The following LTBP1 variants were observed in gnomAD, a reference collection of about 807,000 sequenced individuals.
LTBP1 encodes latent transforming growth factor beta binding protein 1.
Under a neutral mutation model 207.6 loss-of-function variants are expected in LTBP1, and 129 were observed. That is an observed-to-expected ratio of 0.62 (90% CI 0.54 to 0.72). The LOEUF (loss-of-function observed/expected upper bound fraction) is 0.72, where lower values mean the gene tolerates loss of function less well. Ranked by LOEUF, LTBP1 falls within the 30% of genes least tolerant of loss-of-function variation. The pLI, the probability that LTBP1 is intolerant of heterozygous loss-of-function variation, is 0.00. For synonymous variants in LTBP1, 963 were observed against 833.7 expected (o/e 1.16, Z -2.67); for missense variants, 2,281 against 2,217.2 (o/e 1.03, Z -0.58).
In LTBP1 at chr2:33,274,957, G is replaced by T. The variant is rs372628884; in HGVS notation, c.2744-8G>T. ...AACTAATATTTTTATATGTATTTTTGTTAACAGATATTGATGAGTGTACTC... is the reference window on the plus strand; with the variant it reads ...AACTAATATTTTTATATGTATTTTTTTTAACAGATATTGATGAGTGTACTC... On this transcript the variant is annotated splice_region_variant and splice_polypyrimidine_tract_variant and intron_variant, in intron 16 of 33. Coordinates refer to ENST00000404816, the MANE Select transcript of LTBP1 (RefSeq NM_206943.4). The T allele has an allele frequency of 1.9e-6, 3 of 1,613,028 alleles. No individual in the cohort carries two copies. Among genetic ancestry groups the T allele is most frequent in the African/African-American group, 1.3e-5 (1 of 74,850 alleles).
chr2:33,378,725 T>C (rs2095175540), intron 31 of LTBP1, among the ~76,000 whole-genome samples: 2 of 152,226 alleles, frequency 1.3e-5, no homozygotes, highest in Admixed American at 1.3e-4. Context: ...TTTGACCTCT[T>C]CTTAACGAAC....
chr2:33,243,867 A>G (rs1055790734), intron 10 of LTBP1, 83 bp downstream of exon 10: 2 of 1,458,990 alleles, frequency 1.4e-6, no homozygotes, highest in African/African-American at 2.8e-5. Context: ...CTCAGTGGCC[A>G]ACTGAATGCT....
intron 24 of LTBP1, among the ~76,000 whole-genome samples, chr2:33,337,635 C>G (rs779456015): frequency 1.3e-5 from 2 of 152,182 alleles, no homozygotes; most frequent in Non-Finnish European, 2.9e-5. Flanking sequence ...GACAGTTGAT[C>G]ACTAGACAAA....
intron 9 of LTBP1, among the ~76,000 whole-genome samples, chr2:33,236,741 A>T (rs1475833733): frequency 1.3e-5 from 2 of 152,206 alleles, no homozygotes; most frequent in African/African-American, 4.8e-5. Context: ...TGTTACTGTG[A>T]ATATTTCAAG....
chr2:33,364,302 C>G lies in LTBP1; in HGVS notation c.4486C>G (p.Pro1496Ala), dbSNP rs764428993. The part of the protein sequence containing the change: ...EGSYNCFCTH[P>A]MVLDASEKRC... Reference sequence around the variant, plus strand: ...CTCTTACAACTGCTTCTGTACTCACCCCATGGTCCTGGATGCGTCAGAAAA... The same window carrying G: ...CTCTTACAACTGCTTCTGTACTCACGCCATGGTCCTGGATGCGTCAGAAAA... The change falls in exon 30 of 34, where the codon CCC becomes GCC. Residue 1496 changes from proline (P) to alanine (A), a missense_variant. Around this residue, in one of 3 missense-constraint regions of LTBP1, gnomAD observed 1,671 missense variants for 1,634.8 expected, o/e 1.02. Transcript: ENST00000404816. 9 of 1,613,814 alleles carry G rather than the reference C, an allele frequency of 5.6e-6. No individual in the cohort carries two copies. In the East Asian group the frequency reaches 8.9e-5, roughly 16 times the overall value.
chr2:33,125,719 G>C (rs1410845270), intron 4 of LTBP1, among the ~76,000 whole-genome samples: 1 of 151,628 alleles, frequency 6.6e-6, no homozygotes, highest in African/African-American at 2.4e-5. Flanking sequence ...AGTCCCAGCT[G>C]CTCGGGAGGC....
chr2:33,050,435 A>G (rs778947227), intron 3 of LTBP1, among the ~76,000 whole-genome samples: 39 of 152,084 alleles, frequency 2.6e-4, no homozygotes, highest in Middle Eastern at 3.2e-3. Context: ...CTCCATGTGG[A>G]GAAATTTCAG....
intron 31 of LTBP1, among the ~76,000 whole-genome samples, chr2:33,365,951 C>T (rs1037916379): frequency 7.2e-5 from 11 of 152,066 alleles, no homozygotes; most frequent in Admixed American, 2.0e-4. Flanking sequence ...ATATAAGAAA[C>T]GGGTTACAAC....
intron 2 of LTBP1, among the ~76,000 whole-genome samples, chr2:32,993,307 G>A (rs1288643286): frequency 1.3e-5 from 2 of 152,138 alleles, no homozygotes; most frequent in Non-Finnish European, 2.9e-5. Context: ...GAGACATGGG[G>A]AAGGGAAAAT....
At chr2:33,231,014 A>G (rs1453920700) in intron 9 of LTBP1, among the ~76,000 whole-genome samples, 2 of 152,230 alleles carry the variant, frequency 1.3e-5, no homozygotes, top group Non-Finnish European at 1.5e-5. Flanking sequence ...GACTTTTTAA[A>G]TGACTCAGTA....
At chr2:33,205,449 A>T (rs1407016260) in intron 7 of LTBP1, among the ~76,000 whole-genome samples, 1 of 152,228 alleles carries the variant, frequency 6.6e-6, no homozygotes, top group Non-Finnish European at 1.5e-5. Flanking sequence ...CTTCAGTAAC[A>T]CATTAGCACA....
intron 4 of LTBP1, among the ~76,000 whole-genome samples, chr2:33,112,341 C>T (rs1233086191): frequency 2.0e-5 from 3 of 152,182 alleles, no homozygotes; most frequent in Admixed American, 6.5e-5. Flanking sequence ...CTTGGTTGAA[C>T]TGTGTTCTGA....
Position 33,228,697 on chromosome 2 carries a change from C to CTTTTTTT in LTBP1, c.1876+6561_1876+6567dup, listed in dbSNP as rs1244221993. Among the ~76,000 whole-genome samples the CTTTTTTT allele has an allele frequency of 2.9e-3, 287 of 98,996 alleles. 43 individuals are homozygous for CTTTTTTT. The highest frequency in any genetic ancestry group is 0.025 in the Middle Eastern group (3 of 122). 64.9% of individuals were successfully genotyped at this position (98,996 alleles called of 152,430 possible). A position where few individuals can be genotyped will look rare whatever the true frequency, so the allele number is the denominator to read the frequency against. ...TAATAAGCCCAACCAGGGTTATACC[C>CTTTTTTT]TTTTTTTTTTTTTTTTTTTTTGAGA... On this transcript the variant is annotated intron_variant, in intron 9 of 33. Transcript: ENST00000404816.
chr2:33,350,812 C>G (rs116163891), intron 26 of LTBP1, among the ~76,000 whole-genome samples: 2,754 of 151,668 alleles, frequency 0.018, 83 homozygotes, highest in African/African-American at 0.064. Flanking sequence ...AACTTTATGT[C>G]TTTGGGCACT....
intron 2 of LTBP1, among the ~76,000 whole-genome samples, chr2:32,978,055 G>C (rs1391003449): frequency 6.6e-6 from 1 of 152,134 alleles, no homozygotes; most frequent in African/African-American, 2.4e-5. Flanking sequence ...ATTTCCATAT[G>C]TTGATTTTTA....
chr2:33,324,278 A>AATTGTTATAATTGTTATAATT (rs2094396832), intron 24 of LTBP1, among the ~76,000 whole-genome samples: 1 of 126,708 alleles, frequency 7.9e-6, no homozygotes, highest in South Asian at 2.6e-4. Context: ...TTGTTATAAC[A>AATTGTTATAATTGTTATAATT]ATTGTTATAA....
intron 3 of LTBP1, among the ~76,000 whole-genome samples, chr2:33,035,528 A>G (rs1037786184): frequency 2.6e-5 from 4 of 152,166 alleles, no homozygotes; most frequent in African/African-American, 4.8e-5. Flanking sequence ...TTTATAGTCT[A>G]CTGTATTTCT....
intron 9 of LTBP1, among the ~76,000 whole-genome samples, chr2:33,223,399 A>C (rs1437174479): frequency 6.6e-6 from 1 of 152,210 alleles, no homozygotes; most frequent in African/African-American, 2.4e-5. Flanking sequence ...TGTGTCACAG[A>C]ATGTTGAGAA....
chr2:33,342,922 A>T lies in LTBP1; in HGVS notation c.3815A>T (p.Tyr1272Phe). The change falls in exon 25 of 34, where the codon TAT becomes TTT. Residue 1272 changes from tyrosine to phenylalanine, a missense_variant. Tyr to Phe is a conservative substitution (Grantham distance 22). Around this residue, in one of 3 missense-constraint regions of LTBP1, gnomAD observed 1,671 missense variants for 1,634.8 expected, o/e 1.02. Coordinates refer to ENST00000404816, the MANE Select transcript of LTBP1 (RefSeq NM_206943.4). ...NTAGSFRCLC[Y>F]QGFQAPQDGQ... ...GCTGGCTCCTTCCGCTGCCTCTGTT[A>T]TCAGGGCTTTCAAGCCCCACAGGAT... 1 of 1,614,074 alleles carries T rather than the reference A, an allele frequency of 6.2e-7. No individual in the cohort carries two copies. The highest frequency in any genetic ancestry group is 8.5e-7 in the Non-Finnish European group (1 of 1,179,942).
Sources: gnomAD v4.1 joint callset for allele counts (sites outside exome capture counted in the v4.1 genomes callset) on GRCh38, gnomAD v4.1.1 for gene constraint, gnomAD v4.1.1 regional missense constraint, MANE v1.5 for transcripts, NCBI Gene and HGNC (gene_info 2026-07-23, HGNC 2026-07-21) for gene names.